Variants in PPARG observed in about 807,000 individuals in gnomAD.
PPARG encodes peroxisome proliferator-activated receptor gamma.
Under a neutral mutation model 39.2 loss-of-function variants are expected in PPARG, and 17 were observed. That is an observed-to-expected ratio of 0.43 (90% CI 0.30 to 0.65). PPARG has a LOEUF of 0.65. Ranked by LOEUF, PPARG falls within the 30% of genes least tolerant of loss-of-function variation. PPARG has a pLI of 0.13. For missense variants in PPARG, 406 were observed against 585.9 expected (o/e 0.69, Z 3.17); for synonymous variants, 223 against 215.7 (o/e 1.03, Z -0.30).
chr3:12,335,201 A>C (rs2047976012), intron 2 of PPARG, among the ~76,000 whole-genome samples: 1 of 152,244 alleles, frequency 6.6e-6, no homozygotes, highest in Non-Finnish European at 1.5e-5. Flanking sequence ...CCATCAAAGC[A>C]TGTGTTGCCT....
intron 5 of PPARG, among the ~76,000 whole-genome samples, chr3:12,400,009 A>G (rs2050416478): frequency 6.6e-6 from 1 of 151,856 alleles, no homozygotes; most frequent in South Asian, 2.1e-4. Flanking sequence ...AATTTTAAAG[A>G]GAGATGGGAA....
At chr3:12,330,747 CA>C (rs1469227509) in intron 2 of PPARG, among the ~76,000 whole-genome samples, 1 of 152,172 alleles carries the variant, frequency 6.6e-6, no homozygotes, top group Non-Finnish European at 1.5e-5. Context: ...TCTCATTTAA[CA>C]AGCTCACATT....
chr3:12,421,522 C>A (rs1460261397), intron 7 of PPARG, among the ~76,000 whole-genome samples: 1 of 152,144 alleles, frequency 6.6e-6, no homozygotes, highest in East Asian at 1.9e-4. Flanking sequence ...ATGTTTTGCC[C>A]CCTTGAGTGT....
chr3:12,327,960 A>C (rs1462173071), intron 2 of PPARG: 1 of 742,208 alleles, frequency 1.3e-6, no homozygotes, highest in African/African-American at 1.7e-5. Context: ...GAAAGGTAAA[A>C]TGGGAATAAA....
intron 2 of PPARG, among the ~76,000 whole-genome samples, chr3:12,336,943 T>G (rs2048028895): frequency 6.6e-6 from 1 of 152,218 alleles, no homozygotes. Context: ...GCTTGTCTGT[T>G]TGGAGTTTAG....
intron 7 of PPARG, among the ~76,000 whole-genome samples, chr3:12,427,935 G>A (rs546033520): frequency 5.3e-5 from 8 of 152,270 alleles, no homozygotes; most frequent in South Asian, 4.1e-4. Flanking sequence ...GGTTTTGAAC[G>A]CCCTAGGGAC....
At chr3:12,331,913 G>A (rs1329042460) in intron 2 of PPARG, among the ~76,000 whole-genome samples, 1 of 152,120 alleles carries the variant, frequency 6.6e-6, no homozygotes, top group Non-Finnish European at 1.5e-5. Context: ...AGTTGCCTGT[G>A]AGATATTTCA....
At chr3:12,431,718 T>C (rs1164720893) in intron 7 of PPARG, among the ~76,000 whole-genome samples, 1 of 152,098 alleles carries the variant, frequency 6.6e-6, no homozygotes, top group Non-Finnish European at 1.5e-5. Flanking sequence ...GGCAGGAGGA[T>C]TGGTTGAGGC....
At chr3:12,431,645 A>G (rs1426194223) in intron 7 of PPARG, among the ~76,000 whole-genome samples, 1 of 152,218 alleles carries the variant, frequency 6.6e-6, no homozygotes, top group Non-Finnish European at 1.5e-5. Flanking sequence ...ATGCACAAAT[A>G]AAGAGCTCTA....
At chr3:12,397,922 A>G (rs1289183555) in intron 5 of PPARG, among the ~76,000 whole-genome samples, 1 of 151,984 alleles carries the variant, frequency 6.6e-6, no homozygotes, top group East Asian at 1.9e-4. Context: ...CTCACACCTC[A>G]GGCAAACCCT....
At chr3:12,433,838 G>A (rs1380898261) in intron 7 of PPARG, 60 bp from the exon 8 acceptor site, 22 of 1,611,550 alleles carry the variant, frequency 1.4e-5, no homozygotes, top group East Asian at 2.2e-5. Flanking sequence ...CCTCCAAGGC[G>A]GGGCCCAGAG....
At chr3:12,417,901 CCTTTTTTTTTTTT>C (rs2051130306) in intron 7 of PPARG, among the ~76,000 whole-genome samples, 1 of 46,156 alleles carries the variant, frequency 2.2e-5, no homozygotes, top group Non-Finnish European at 4.1e-5. Context: ...TTTTTTTTTT[CCTTTTTTTTTTTT>C]TTTTTTTTTT....
intron 2 of PPARG, among the ~76,000 whole-genome samples, chr3:12,325,399 C>A (rs907821550): frequency 6.6e-6 from 1 of 151,056 alleles, no homozygotes; most frequent in Non-Finnish European, 1.5e-5. Context: ...CTAGCCTGGG[C>A]GACAAGAGCG....
At chr3:12,327,463 A>T (rs1171846285) in intron 2 of PPARG, among the ~76,000 whole-genome samples, 1 of 152,126 alleles carries the variant, frequency 6.6e-6, no homozygotes, top group Non-Finnish European at 1.5e-5. Context: ...GCCTTTTTCC[A>T]CTCAGCAGTT....
At chr3:12,420,874 C>T (rs761298170) in intron 7 of PPARG, among the ~76,000 whole-genome samples, 1 of 152,204 alleles carries the variant, frequency 6.6e-6, no homozygotes, top group African/African-American at 2.4e-5. Context: ...AGAAAGATGA[C>T]CTAGTTCTTC....
chr3:12,306,949 T>C (rs1211861272), intron 1 of PPARG, among the ~76,000 whole-genome samples: 1 of 151,792 alleles, frequency 6.6e-6, no homozygotes, highest in African/African-American at 2.4e-5. Context: ...ATACAAAAAA[T>C]TAGCCGGGCG....
chr3:12,385,574 C>G (rs996149624), intron 4 of PPARG, among the ~76,000 whole-genome samples: 2 of 152,020 alleles, frequency 1.3e-5, no homozygotes, highest in South Asian at 2.1e-4. Context: ...AAGTTCCATC[C>G]TATTTTTTAT....
chr3:12,307,249 A>G (rs933501928), intron 1 of PPARG, among the ~76,000 whole-genome samples: 2 of 151,804 alleles, frequency 1.3e-5, no homozygotes, highest in African/African-American at 2.4e-5. Context: ...AGTGTTGTAA[A>G]AAATCTGGAG....
At chr3:12,413,538 G>T (rs550158918) in intron 6 of PPARG, among the ~76,000 whole-genome samples, 1 of 152,176 alleles carries the variant, frequency 6.6e-6, no homozygotes, top group Non-Finnish European at 1.5e-5. Context: ...GCCGGGCATG[G>T]TGGCTCATGC....
Sources: allele counts gnomAD v4.1 joint callset (sites outside exome capture counted in the v4.1 genomes callset), GRCh38; gene constraint gnomAD v4.1.1; transcripts MANE v1.5; gene names NCBI Gene and HGNC (gene_info 2026-07-23, HGNC 2026-07-21).